GTF3C3: variants seen among roughly 807,000 people sequenced by gnomAD.
GTF3C3 encodes the protein general transcription factor 3C polypeptide 3.
In GTF3C3, 75 loss-of-function variants were observed where a neutral mutation model predicts 105.2. The ratio of observed to expected loss-of-function variants is 0.71; its 90% CI spans 0.59 to 0.86. GTF3C3 has a LOEUF of 0.86. Ranked by LOEUF, GTF3C3 falls within the 40% of genes least tolerant of loss-of-function variation. The probability of loss-of-function intolerance (pLI) is 0.00; values close to 1 mark genes in which losing one functional copy is unlikely to be tolerated. For synonymous variants in GTF3C3, 335 were observed against 370.4 expected, an observed-to-expected ratio of 0.90 and a Z score of 1.10; for missense variants, 856 against 1,076.5, an observed-to-expected ratio of 0.80 and a Z score of 2.87.
chr2:196,764,554 TGCGGTGCTTTATATAGAACA>T lies in GTF3C3; in HGVS notation c.2650_*8del, dbSNP rs1352912769. The T allele has an allele frequency of 6.2e-7, 1 of 1,612,592 alleles. No homozygotes were observed. ...CAGCTGCCATTGCTCTGTTCTCAGT[TGCGGTGCTTTATATAGAACA>T]ATAGGTATACAAAAGCGTTTGAGCC... On this transcript the variant is annotated stop_lost and 3_prime_UTR_variant, in exon 18 of 18. Transcript: ENST00000263956.
Position 196,799,658 on chromosome 2 carries a change from C to G in GTF3C3, c.-47G>C. ...AACCCCAGGAACCGGGACAGAGAAC[C>G]GGAAGAGCAGCGCCTTCCAGAAGCT... On this transcript the variant is annotated 5_prime_UTR_variant, in exon 1 of 18. Transcript: ENST00000263956. 2 of 1,390,974 alleles carry G rather than the reference C, an allele frequency of 1.4e-6. No individual in the cohort carries two copies. 86.2% of individuals were successfully genotyped at this position (1,390,974 alleles called of 1,614,324 possible).
In GTF3C3 at chr2:196,799,632, C is replaced by A; in HGVS notation, c.-21G>T. 4 of 1,545,052 alleles carry A rather than the reference C, an allele frequency of 2.6e-6. No homozygotes were observed. The highest frequency in any genetic ancestry group is 8.9e-7 in the Non-Finnish European group (1 of 1,117,654). On this transcript the variant is annotated 5_prime_UTR_variant, in exon 1 of 18. Transcript: ENST00000263956. ...GACATGTTTACAGGGTCTGTCTGTGCAACCCCAGGAACCGGGACAGAGAAC... is the reference window on the plus strand; with the variant it reads ...GACATGTTTACAGGGTCTGTCTGTGAAACCCCAGGAACCGGGACAGAGAAC...
intron 13 of GTF3C3, 50 bp downstream of exon 13, chr2:196,775,064 CTT>C (rs1280131518): frequency 2.1e-6 from 3 of 1,443,248 alleles, no homozygotes; most frequent in African/African-American, 1.4e-5. Flanking sequence ...CTTCATGAGT[CTT>C]TTTCAATTCA....
chr2:196,769,942 C>A lies in GTF3C3; in HGVS notation c.2358G>T (p.Val786=). ...GTACAATAAGAGCATGTCTCCGTAACACATACTTCTGAGATGCCATATGAA... is the reference window on the plus strand; with the variant it reads ...GTACAATAAGAGCATGTCTCCGTAAAACATACTTCTGAGATGCCATATGAA... ...TFIHMASQKY[V]LRRHALIVQG... is the part of the protein sequence containing the mutation. The change falls in exon 16 of 18, where the codon GTG becomes GTT. Residue 786 remains valine, a synonymous_variant. Coordinates refer to ENST00000263956, the MANE Select transcript of GTF3C3 (RefSeq NM_012086.5). 6.2e-7 allele frequency: 1 copy of A among 1,607,466 alleles called. No homozygotes were observed. The highest frequency in any genetic ancestry group is 8.5e-7 in the Non-Finnish European group (1 of 1,176,466).
chr2:196,775,061 A>C (rs145328587), intron 13 of GTF3C3, 55 bp downstream of exon 13: 1 of 1,333,294 alleles, frequency 7.5e-7, no homozygotes, highest in African/African-American at 1.5e-5. Flanking sequence ...TTACTTCATG[A>C]GTCTTTTTCA....
At chr2:196,798,687 C>T (rs1301190365) in intron 1 of GTF3C3, among the ~76,000 whole-genome samples, 1 of 151,786 alleles carries the variant, frequency 6.6e-6, no homozygotes, top group East Asian at 1.9e-4. Flanking sequence ...CATGGTGAAA[C>T]CCCGTCTCTA....
rs576641359 is a variant in GTF3C3 at position 196,767,000 on chromosome 2, T to C, written c.2386-283A>G. The C allele has an allele frequency of 5.4e-5, 12 of 222,954 alleles. No individual in the cohort carries two copies. The South Asian group carries it at 1.7e-3, about 31-fold the overall frequency. The allele number at this position is 222,954 out of a possible 1,614,324, so 13.8% of individuals were successfully genotyped here. On this transcript the variant is annotated intron_variant, in intron 16 of 17. Coordinates refer to ENST00000263956, the MANE Select transcript of GTF3C3 (RefSeq NM_012086.5). Reference sequence around the variant, plus strand: ...CATAATCTACAAATACACAAAACTTTTAAAAAATAATTTGAAGTTGGCTTG... The same window carrying C: ...CATAATCTACAAATACACAAAACTTCTAAAAAATAATTTGAAGTTGGCTTG...
intron 12 of GTF3C3, 43 bp from the exon 13 acceptor site, chr2:196,775,294 G>C: frequency 6.5e-7 from 1 of 1,546,596 alleles, no homozygotes; most frequent in Non-Finnish European, 8.8e-7. Flanking sequence ...AACAATAACT[G>C]TTTTGTTTAG....
intron 17 of GTF3C3, among the ~76,000 whole-genome samples, chr2:196,765,379 T>A (rs975561246): frequency 9.2e-5 from 14 of 152,088 alleles, no homozygotes; most frequent in Non-Finnish European, 1.6e-4. Context: ...GATGTAACAA[T>A]ATTTATGAAA....
At chr2:196,784,658 CA>C in intron 8 of GTF3C3, 198 bp downstream of exon 8, 1 of 308,232 alleles carries the variant, frequency 3.2e-6, no homozygotes, top group South Asian at 1.3e-4. Flanking sequence ...GGACTCAAAA[CA>C]AATTTTTTTA....
chr2:196,798,037 A>G, intron 1 of GTF3C3, 129 bp from the exon 2 acceptor site: 1 of 629,086 alleles, frequency 1.6e-6, no homozygotes, highest in Admixed American at 2.7e-5. Context: ...GGCAGTTTAT[A>G]GAATAGGGCA....
intron 16 of GTF3C3, among the ~76,000 whole-genome samples, chr2:196,769,240 G>A (rs1043674686): frequency 6.6e-6 from 1 of 152,018 alleles, no homozygotes; most frequent in African/African-American, 2.4e-5. Context: ...GAAACAAAAA[G>A]CCCCTTACTA....
chr2:196,797,022 T>A (rs2125753272), intron 2 of GTF3C3, among the ~76,000 whole-genome samples: 1 of 152,318 alleles, frequency 6.6e-6, no homozygotes, highest in East Asian at 1.9e-4. Context: ...GTGTAAACAC[T>A]TACTTGTTTT....
At position 196,775,210 on chromosome 2, in the gene GTF3C3, G is replaced by A. The variant is rs1374472406; in HGVS notation, c.1737C>T (p.Ser579=). ...NRAQVCLISS[S]KSGERHLYLI... is the part of the protein sequence containing the mutation. ...GATAAAGATGCCTCTCTCCAGACTT[G>A]GAACTGGATATCAAACAAACTTGGG... Residue 579 remains serine (S), a synonymous_variant, in exon 13 of 18, where the codon TCC becomes TCT. Coordinates refer to ENST00000263956, the MANE Select transcript of GTF3C3 (RefSeq NM_012086.5). 1.2e-6 allele frequency: 2 copies of A among 1,608,330 alleles called. No individual in the cohort carries two copies. Among genetic ancestry groups the A allele is most frequent in the Non-Finnish European group, 1.7e-6 (2 of 1,177,564 alleles).
chr2:196,765,749 G>A (rs895652058), intron 17 of GTF3C3, among the ~76,000 whole-genome samples: 1 of 151,826 alleles, frequency 6.6e-6, no homozygotes, highest in African/African-American at 2.4e-5. Context: ...AGTGGCTCAC[G>A]CCTGTAATCC....
chr2:196,796,877 C>T (rs1314764309), intron 2 of GTF3C3, among the ~76,000 whole-genome samples: 1 of 152,216 alleles, frequency 6.6e-6, no homozygotes, highest in Admixed American at 6.5e-5. Context: ...GCCTTTTCCA[C>T]CCCACTTTCC....
Position 196,776,795 on chromosome 2 carries a change from G to A in GTF3C3, c.1391-166C>T, listed in dbSNP as rs983094579. Among the ~76,000 whole-genome samples the A allele has an allele frequency of 2.6e-5, 4 of 151,986 alleles. No homozygotes were observed. The highest frequency in any genetic ancestry group is 6.6e-5 in the Admixed American group (1 of 15,254). On this transcript the variant is annotated intron_variant, in intron 10 of 17. Coordinates refer to ENST00000263956, the MANE Select transcript of GTF3C3 (RefSeq NM_012086.5). The surrounding 1 kb of genome is among the most constrained non-coding windows in gnomAD (Gnocchi z 4.5). ...TATCCCTAATCTCTATTAATCAATC[G>A]ATCTAATAAATTTAAATTGCTAAGG...
intron 1 of GTF3C3, chr2:196,799,213 C>A (rs540416404): frequency 6.7e-6 from 2 of 297,286 alleles, no homozygotes; most frequent in East Asian, 1.6e-4. Flanking sequence ...ACTCCAAACT[C>A]TTCTCCCCAC....
chr2:196,775,528 ATTAGAATGAACTGACTTATT>A (rs1433956262), intron 12 of GTF3C3, among the ~76,000 whole-genome samples: 3 of 152,204 alleles, frequency 2.0e-5, no homozygotes, highest in African/African-American at 7.2e-5. Context: ...AAAAACTAAA[ATTAGAATGAACTGACTTATT>A]TTTCTCTTAC....
Sources: gnomAD v4.1 joint callset for allele counts (sites outside exome capture counted in the v4.1 genomes callset) on GRCh38, gnomAD v4.1.1 for gene constraint, Gnocchi (gnomAD v3.1) non-coding constraint, MANE v1.5 for transcripts, NCBI Gene and HGNC (gene_info 2026-07-23, HGNC 2026-07-21) for gene names.